Variants in ZNF273 observed in about 807,000 individuals in gnomAD.
ZNF273 encodes the protein zinc finger protein 9.
Under a neutral mutation model 14.9 loss-of-function variants are expected in ZNF273, and 11 were observed. That is an observed-to-expected ratio of 0.74 (90% CI 0.46 to 1.22). The LOEUF is 1.22. ZNF273 is among the 50% of genes most tolerant of loss of function. ZNF273 has a pLI of 0.00. For missense variants in ZNF273, 577 were observed against 660.6 expected, an observed-to-expected ratio of 0.87 and a Z score of 1.39; for synonymous variants, 199 against 223.9, an observed-to-expected ratio of 0.89 and a Z score of 0.99.
chr7:64,883,178 G>T (rs922441440), downstream of ZNF273, among the ~76,000 whole-genome samples: 16 of 151,054 alleles, frequency 1.1e-4, no homozygotes, highest in African/African-American at 3.9e-4. Flanking sequence ...CGGTGAATTG[G>T]GGGGCTGGCT....
At chr7:64,915,530 C>G (rs546301442) in intron 1 of ZNF273, among the ~76,000 whole-genome samples, 3 of 152,350 alleles carry the variant, frequency 2.0e-5, no homozygotes, top group African/African-American at 4.8e-5. Context: ...TTATCTGCAG[C>G]AGGAGCACGT....
chr7:64,914,662 A>G (rs1217449552), intron 1 of ZNF273, among the ~76,000 whole-genome samples: 1 of 152,180 alleles, frequency 6.6e-6, no homozygotes, highest in Non-Finnish European at 1.5e-5. Context: ...GCACCTGAGG[A>G]TAGATAAAGA....
At chr7:64,933,067 G>T (rs559792472), downstream of ZNF273, among the ~76,000 whole-genome samples, 1 of 152,124 alleles carries the variant, frequency 6.6e-6, no homozygotes, top group African/African-American at 2.4e-5. Context: ...CGCCTCCCAG[G>T]TTCAAGCTGT....
At chr7:64,924,472 T>G (rs534128165) in intron 3 of ZNF273, 29 of 151,956 alleles carry the variant, frequency 1.9e-4, no homozygotes, top group African/African-American at 6.3e-4. Flanking sequence ...TGATATTTGC[T>G]TTATATATTT....
At chr7:64,937,203 G>C in the ZNF273 span, among the ~76,000 whole-genome samples, 2 of 152,270 alleles carry the variant, frequency 1.3e-5, no homozygotes, top group Non-Finnish European at 2.9e-5. Context: ...TTCTTTCAGT[G>C]ATTTCTATAT....
exon 2 of ZNF273, chr7:64,888,673 G>T: frequency 1.0e-6 from 1 of 985,746 alleles, no homozygotes; most frequent in Non-Finnish European, 1.2e-6. Context: ...CCGCGTCTTC[G>T]GCAAAGTCTT....
intron 3 of ZNF273, among the ~76,000 whole-genome samples, chr7:64,921,341 C>T (rs1027293663): frequency 1.9e-4 from 29 of 151,998 alleles, no homozygotes; most frequent in African/African-American, 6.5e-4. Flanking sequence ...GGATTACAGG[C>T]GTGAGCCACC....
chr7:64,889,491 G>A (rs1435511374), downstream of ZNF273: 5 of 985,924 alleles, frequency 5.1e-6, no homozygotes, highest in Admixed American at 1.8e-4. The surrounding 1 kb of genome is among the most constrained non-coding windows in gnomAD (Gnocchi z 4.2). Context: ...CCAGGTTCCC[G>A]GTTTCTTCTA....
rs529474544 is a variant in ZNF273 at position 64,903,842 on chromosome 7, A to G, written c.102+423A>G. 6.6e-5 allele frequency among the ~76,000 whole-genome samples: 10 copies of G among 152,346 alleles called. No homozygotes were observed. The South Asian group carries it at 1.7e-3, about 25-fold the overall frequency. On this transcript the variant is annotated intron_variant, in intron 1 of 3. Coordinates refer to ENST00000476120, the MANE Select transcript of ZNF273 (RefSeq NM_021148.3). ...TTAATCAGACAGTCATTCACAAATT[A>G]TAGAGCACCCAGCTGTGGTTTGTAG...
At chr7:64,888,564 T>C in intron 1 of ZNF273, 1 of 985,826 alleles carries the variant, frequency 1.0e-6, no homozygotes, top group Non-Finnish European at 1.2e-6. Context: ...ATGATTTTTA[T>C]TTTCACAGTA....
chr7:64,898,004 G>A (rs1490652404), exon 4 of ZNF273: 2 of 152,188 alleles, frequency 1.3e-5, no homozygotes, highest in African/African-American at 2.4e-5. Context: ...TGGTATTACA[G>A]GCGTGAGCCA....
At chr7:64,904,032 T>G (rs1792916491) in intron 1 of ZNF273, among the ~76,000 whole-genome samples, 1 of 152,224 alleles carries the variant, frequency 6.6e-6, no homozygotes, top group African/African-American at 2.4e-5. Context: ...TATGGTTGGT[T>G]AAGCCTGAAT....
At chr7:64,932,237 A>AT (rs201012187), downstream of ZNF273, among the ~76,000 whole-genome samples, 5,289 of 151,380 alleles carry the variant, frequency 0.035, 132 homozygotes, top group Middle Eastern at 0.073. Context: ...AAAAAAAAAA[A>AT]AATATCTTAC....
upstream of ZNF273, among the ~76,000 whole-genome samples, chr7:64,900,956 A>G (rs1399811512): frequency 1.3e-5 from 2 of 151,806 alleles, no homozygotes; most frequent in African/African-American, 4.8e-5. Context: ...TTTCCATGCC[A>G]CGAGGATTAT....
At chr7:64,917,912 C>T (rs138614560) in intron 2 of ZNF273, among the ~76,000 whole-genome samples, 1 of 152,252 alleles carries the variant, frequency 6.6e-6, no homozygotes, top group African/African-American at 2.4e-5. Context: ...CTGTATCCTT[C>T]ACTCTAGATT....
intron 1 of ZNF273, among the ~76,000 whole-genome samples, chr7:64,909,831 C>G (rs1331006355): frequency 1.3e-5 from 2 of 149,784 alleles, no homozygotes; most frequent in Admixed American, 6.6e-5. Flanking sequence ...GCCTTGCAAG[C>G]ATCGTTTTTT....
downstream of ZNF273, chr7:64,890,221 T>TGTGTGTGTGTGTGTGTGTGTGTGAGAGA: frequency 4.7e-5 from 3 of 64,050 alleles, no homozygotes; most frequent in African/African-American, 1.4e-4. Flanking sequence ...TGTGTGTGTG[T>TGTGTGTGTGTGTGTGTGTGTGTGAGAGA]GAGAGAGAGA....
At chr7:64,889,734 C>T, downstream of ZNF273, 3 of 985,934 alleles carry the variant, frequency 3.0e-6, no homozygotes, top group Non-Finnish European at 3.6e-6. This position sits in a 1 kb window ranked among gnomAD's most constrained non-coding sequence, Gnocchi z 4.2. Flanking sequence ...GGACACCGAG[C>T]ACCATCCACG....
chr7:64,917,108 T>G (rs62455574), intron 1 of ZNF273: 19,749 of 1,284,096 alleles, frequency 0.015, 177 homozygotes, highest in Non-Finnish European at 0.019. Flanking sequence ...CCAAAAACAT[T>G]GGCATTACTG....
Sources: allele counts gnomAD v4.1 joint callset (sites outside exome capture counted in the v4.1 genomes callset), GRCh38; gene constraint gnomAD v4.1.1; non-coding constraint Gnocchi (gnomAD v3.1); transcripts MANE v1.5; gene names NCBI Gene and HGNC (gene_info 2026-07-23, HGNC 2026-07-21).